Variants in SENP6 observed in about 807,000 individuals in gnomAD.
SENP6 encodes SUMO specific peptidase 6, also known as sentrin-specific protease 6.
SENP6 carries 41 observed loss-of-function variants against 134.5 expected under a neutral mutation model. That is an observed-to-expected ratio of 0.30 (90% CI 0.24 to 0.40). The LOEUF is 0.40. Among genes scored for constraint, SENP6 ranks in the 10% least tolerant of loss-of-function variants. The pLI, the probability that SENP6 is intolerant of heterozygous loss-of-function variation, is 1.00. For missense variants in SENP6, 1,248 were observed against 1,312.5 expected (o/e 0.95, Z 0.76); for synonymous variants, 395 against 429.8 (o/e 0.92, Z 1.00).
At position 75,716,414 on chromosome 6, in the gene SENP6, T is replaced by G. The variant is rs1776023087; in HGVS notation, c.*820T>G. On this transcript the variant is annotated 3_prime_UTR_variant, in exon 24 of 24. Transcript: ENST00000447266. ...TGTCATATAGTTAATTGATAAGCAT[T>G]TTTAATCTGTGTAAACACAGGAATT... 6.6e-6 allele frequency: 1 copy of G among 152,030 alleles called. No individual in the cohort carries two copies. The highest frequency in any genetic ancestry group is 2.4e-5 in the African/African-American group (1 of 41,460). The allele number at this position is 152,030 out of a possible 1,614,324, so 9.4% of individuals were successfully genotyped here. A position where few individuals can be genotyped will look rare whatever the true frequency, so the allele number is the denominator to read the frequency against.
At chr6:75,621,327 G>A (rs1010251701) in intron 1 of SENP6, among the ~76,000 whole-genome samples, 3 of 152,170 alleles carry the variant, frequency 2.0e-5, no homozygotes, top group Non-Finnish European at 2.9e-5. Flanking sequence ...GCAAGCACAT[G>A]TATGGATGAT....
At chr6:75,629,154 T>A (rs9294001) in intron 3 of SENP6, among the ~76,000 whole-genome samples, 1 of 152,128 alleles carries the variant, frequency 6.6e-6, no homozygotes, top group Admixed American at 6.5e-5. Flanking sequence ...CTAAAAAAGC[T>A]TTACCAAGAT....
At position 75,612,364 on chromosome 6, in the gene SENP6, G is replaced by A. The variant is rs182282743; in HGVS notation, c.53-9168G>A. On this transcript the variant is annotated intron_variant, in intron 1 of 23. Coordinates refer to ENST00000447266, the MANE Select transcript of SENP6 (RefSeq NM_015571.4). ...TGCTGCATTTATATTTCTAAGTTAC[G>A]TTTTTCTCATATTCGTAATTGTTGT... Among the ~76,000 whole-genome samples the A allele has an allele frequency of 1.1e-3, 170 of 152,144 alleles. 1 individual carries two copies. The highest frequency in any genetic ancestry group is 3.7e-3 in the African/African-American group (152 of 41,524).
rs1776092227 is a variant in SENP6, at chr6:75,718,223, C to G, written c.*2629C>G. On this transcript the variant is annotated 3_prime_UTR_variant, in exon 24 of 24. Transcript: ENST00000447266. ...AATTCCCCCAAAATCAAAAATTGTA[C>G]TTAAAATCTCAGACAATTCACTGAA... 1 of 152,022 alleles carries G rather than the reference C, an allele frequency of 6.6e-6. No individual in the cohort carries two copies. Among genetic ancestry groups the G allele is most frequent in the African/African-American group, 2.4e-5 (1 of 41,386 alleles). The allele number at this position is 152,022 out of a possible 1,614,324, so 9.4% of individuals were successfully genotyped here.
intron 19 of SENP6, among the ~76,000 whole-genome samples, 191 bp downstream of exon 19, chr6:75,703,263 G>A (rs564623876): frequency 1.3e-4 from 19 of 151,800 alleles, no homozygotes; most frequent in African/African-American, 4.4e-4. Flanking sequence ...TGAGACCAGC[G>A]TGGGCAACAT....
intron 1 of SENP6, among the ~76,000 whole-genome samples, chr6:75,612,308 A>G (rs941585617): frequency 7.2e-5 from 11 of 152,208 alleles, no homozygotes; most frequent in Non-Finnish European, 1.2e-4. Context: ...CTTTTCGAAC[A>G]TACACATTTA....
chr6:75,602,726 G>C, intron 1 of SENP6, 150 bp downstream of exon 1: 2 of 881,722 alleles, frequency 2.3e-6, no homozygotes, highest in Non-Finnish European at 3.5e-6. Context: ...GGAGTGTGCT[G>C]CGAGCGCACC....
At position 75,635,159 on chromosome 6, in the gene SENP6, C is replaced by T. The variant is rs149460546; in HGVS notation, c.458+348C>T. 8.1e-4 allele frequency: 269 copies of T among 331,022 alleles called. 3 individuals are homozygous for T. The East Asian group carries it at 0.018, about 22-fold the overall frequency. 20.5% of individuals were successfully genotyped at this position (331,022 alleles called of 1,614,324 possible). A position where few individuals can be genotyped will look rare whatever the true frequency, so the allele number is the denominator to read the frequency against. ...CTGAAGAGTAAAATTACAGTTAATA[C>T]CGTACTTTCTTTATAAGGCTTATAA... On this transcript the variant is annotated intron_variant, in intron 5 of 23. Transcript: ENST00000447266.
chr6:75,714,739 T>C (rs919935085), intron 23 of SENP6, among the ~76,000 whole-genome samples: 1 of 152,184 alleles, frequency 6.6e-6, no homozygotes, highest in African/African-American at 2.4e-5. Context: ...CTGAATGCCA[T>C]TGTTTCATGT....
rs774146777 is a variant in SENP6 at position 75,715,368 on chromosome 6, T to G, written c.3130-17T>G. 1.3e-6 allele frequency: 2 copies of G among 1,553,276 alleles called. No homozygotes were observed. Among genetic ancestry groups the G allele is most frequent in the African/African-American group, 2.7e-5 (2 of 72,810 alleles). The stretch of plus-strand genomic sequence containing the variant: ...ATTTATTACAGTTTTCTAATACGCA[T>G]TTAATTGTATTTTCAGAATCCAATT... On this transcript the variant is annotated splice_polypyrimidine_tract_variant and intron_variant, in intron 23 of 23. Coordinates refer to ENST00000447266, the MANE Select transcript of SENP6 (RefSeq NM_015571.4).
At chr6:75,705,507 G>A (rs1229528690) in intron 19 of SENP6, among the ~76,000 whole-genome samples, 1 of 152,078 alleles carries the variant, frequency 6.6e-6, no homozygotes, top group Admixed American at 6.6e-5. Context: ...TCGCGCAACT[G>A]CACTTCAGTC....
intron 16 of SENP6, among the ~76,000 whole-genome samples, chr6:75,681,866 C>CA (rs1003690108): frequency 3.3e-5 from 5 of 151,042 alleles, no homozygotes; most frequent in South Asian, 2.1e-4. Flanking sequence ...CTCATCTCTA[C>CA]AAAAAAACAA....
chr6:75,610,189 C>A, intron 1 of SENP6, among the ~76,000 whole-genome samples: 1 of 152,126 alleles, frequency 6.6e-6, no homozygotes, highest in Non-Finnish European at 1.5e-5. Context: ...ACTTTTCCTT[C>A]CTTTTGTTTT....
rs1775731966 is a variant in SENP6 at position 75,711,331 on chromosome 6, G to A, written c.2824G>A (p.Asp942Asn). Residue 942 changes from aspartate to asparagine, a missense_variant, in exon 21 of 24, where the codon GAT becomes AAT. Around this residue, in one of 3 missense-constraint regions of SENP6, gnomAD observed 386 missense variants for 395.0 expected, o/e 0.98. Transcript: ENST00000447266. The part of the protein sequence containing the change: ...DFSEDQDNQD[D>N]SSDDGFLADD... ...AACAGTAGGCTGTCTTTTATAGGAT[G>A]ATAGCAGTGACGATGGATTCCTCGC... is the stretch of plus-strand genomic sequence containing the variant. The A allele has an allele frequency of 6.2e-7, 1 of 1,610,990 alleles. No homozygotes were observed. The highest frequency in any genetic ancestry group is 1.7e-5 in the Admixed American group (1 of 59,912).
chr6:75,676,985 A>G, intron 13 of SENP6, 45 bp from the exon 14 acceptor site: 1 of 877,618 alleles, frequency 1.1e-6, no homozygotes, highest in South Asian at 1.6e-5. Context: ...GTATCTATTT[A>G]CTTCTTTTGT....
chr6:75,663,182 C>G (rs1214166642), intron 8 of SENP6, 39 bp from the exon 9 acceptor site: 1 of 1,569,988 alleles, frequency 6.4e-7, no homozygotes, highest in South Asian at 1.2e-5. Flanking sequence ...AAAAGAAAAT[C>G]AGACCAAATG....
rs192872786 is a variant in SENP6 at position 75,612,600 on chromosome 6, G to A, written c.53-8932G>A. ...TTGCCTTAGCCACCCAAAACGCTAG[G>A]ATTATAGGTGTGAGCTGTCTGATAA... On this transcript the variant is annotated intron_variant, in intron 1 of 23. Transcript: ENST00000447266. Among the ~76,000 whole-genome samples the A allele has an allele frequency of 1.9e-3, 295 of 152,236 alleles. 2 individuals carry two copies. The highest frequency in any genetic ancestry group is 2.6e-3 in the Non-Finnish European group (177 of 68,012).
In SENP6 at chr6:75,683,545, C is replaced by T. The variant is rs539734977; in HGVS notation, c.2075+4618C>T. Reference sequence around the variant, plus strand: ...ATGGTTTTAGGTCTAACATTTAAGTCTTTAATCCATCTTGAATTAGTTTTT... The same window carrying T: ...ATGGTTTTAGGTCTAACATTTAAGTTTTTAATCCATCTTGAATTAGTTTTT... On this transcript the variant is annotated intron_variant, in intron 16 of 23. Coordinates refer to ENST00000447266, the MANE Select transcript of SENP6 (RefSeq NM_015571.4). 4.6e-5 allele frequency among the ~76,000 whole-genome samples: 7 copies of T among 152,264 alleles called. No individual in the cohort carries two copies. In the East Asian group the frequency reaches 1.3e-3, roughly 29 times the overall value.
intron 1 of SENP6, 101 bp downstream of exon 1, chr6:75,602,677 G>C (rs1176420527): frequency 4.0e-6 from 5 of 1,253,520 alleles, no homozygotes; most frequent in Non-Finnish European, 5.6e-6. Flanking sequence ...GGTGGGTTTC[G>C]GGGGCGGTGA....
Sources: gnomAD v4.1 joint callset for allele counts (sites outside exome capture counted in the v4.1 genomes callset) on GRCh38, gnomAD v4.1.1 for gene constraint, gnomAD v4.1.1 regional missense constraint, MANE v1.5 for transcripts, NCBI Gene and HGNC (gene_info 2026-07-23, HGNC 2026-07-21) for gene names.